LYG1: variants seen among roughly 807,000 people sequenced by gnomAD.
LYG1 encodes lysozyme g-like protein 1.
In LYG1, 17 loss-of-function variants were observed where a neutral mutation model predicts 21.7. The ratio of observed to expected loss-of-function variants is 0.78; its 90% CI spans 0.54 to 1.18. The LOEUF (loss-of-function observed/expected upper bound fraction) is 1.18. LYG1 is among the 50% of genes most tolerant of loss of function. The pLI, the probability that LYG1 is intolerant of heterozygous loss-of-function variation, is 0.00. For synonymous variants in LYG1, 81 were observed against 87.4 expected, an observed-to-expected ratio of 0.93 and a Z score of 0.41; for missense variants, 211 against 238.1, an observed-to-expected ratio of 0.89 and a Z score of 0.75.
At position 99,292,055 on chromosome 2, in the gene LYG1, A is replaced by T. The variant is rs1249960886; in HGVS notation, c.148+481T>A. Among the ~76,000 whole-genome samples, 4 of 152,152 alleles carry T rather than the reference A, an allele frequency of 2.6e-5. No homozygotes were observed. In the East Asian group the frequency reaches 7.8e-4, roughly 30 times the overall value. On this transcript the variant is annotated intron_variant, in intron 4 of 6. Transcript: ENST00000308528. ...TAATCCCAGCACTTTGGGAGGCCAA[A>T]GAGGGAGGATCACCTGAGGTCAGGA...
chr2:99,289,436 A>G (rs1311529999), intron 5 of LYG1, among the ~76,000 whole-genome samples: 1 of 141,664 alleles, frequency 7.1e-6, no homozygotes, highest in Non-Finnish European at 1.5e-5. Flanking sequence ...AGCCTGGGTG[A>G]CAGAGCCAGA....
intron 4 of LYG1, 52 bp downstream of exon 4, chr2:99,292,484 G>T: frequency 7.4e-7 from 1 of 1,356,614 alleles, no homozygotes; most frequent in Non-Finnish European, 1.1e-6. Context: ...GTGAGGCATG[G>T]GAAACAGTGA....
chr2:99,288,601 C>T (rs1298573658), intron 5 of LYG1, among the ~76,000 whole-genome samples: 1 of 152,128 alleles, frequency 6.6e-6, no homozygotes, highest in African/African-American at 2.4e-5. Context: ...TAGGGTCCCA[C>T]TCTCTCGCCC....
intron 5 of LYG1, among the ~76,000 whole-genome samples, chr2:99,285,682 A>G (rs904366592): frequency 5.9e-5 from 9 of 152,196 alleles, no homozygotes; most frequent in South Asian, 2.1e-4. Flanking sequence ...GATTTTCCCA[A>G]TGTCACATGA....
At chr2:99,298,134 T>A (rs1198483692) in intron 2 of LYG1, among the ~76,000 whole-genome samples, 4 of 152,228 alleles carry the variant, frequency 2.6e-5, no homozygotes, top group Non-Finnish European at 5.9e-5. Context: ...TAGAAGAGAT[T>A]GTTGAGACAT....
chr2:99,291,375 G>T lies in LYG1; in HGVS notation c.195C>A (p.Leu65=), dbSNP rs771154682. The T allele has an allele frequency of 6.8e-6, 11 of 1,614,064 alleles. No homozygotes were observed. The highest frequency in any genetic ancestry group is 8.5e-6 in the Non-Finnish European group (10 of 1,180,044). The part of the protein sequence containing the change: ...ERLAEIDMPY[L]LKYQPMMQTI... The stretch of plus-strand genomic sequence containing the variant: ...TTTGCATCATGGGTTGATATTTCAG[G>T]AGGTATGGCATGTCTATTTCAGCCA... The change falls in exon 5 of 7, where the codon CTC becomes CTA. Residue 65 remains leucine, a synonymous_variant. Coordinates refer to ENST00000308528, the MANE Select transcript of LYG1 (RefSeq NM_174898.3).
rs1303293126 is a variant in LYG1 at position 99,292,390 on chromosome 2, C to T, written c.148+146G>A. 9.1e-5 allele frequency: 58 copies of T among 634,080 alleles called. 1 individual carries two copies. Among genetic ancestry groups the T allele is most frequent in the South Asian group, 4.8e-4 (25 of 52,032 alleles). 39.3% of individuals were successfully genotyped at this position (634,080 alleles called of 1,614,324 possible). ...TACCGTACTGCTAGCCGCCTTGCCA[C>T]GGATGCAGGGGCAGCTAAGTGACTT... is the stretch of plus-strand genomic sequence containing the variant. On this transcript the variant is annotated intron_variant, in intron 4 of 6. Coordinates refer to ENST00000308528, the MANE Select transcript of LYG1 (RefSeq NM_174898.3).
At chr2:99,288,467 T>A (rs1240769594) in intron 5 of LYG1, among the ~76,000 whole-genome samples, 1 of 152,204 alleles carries the variant, frequency 6.6e-6, no homozygotes, top group African/African-American at 2.4e-5. Context: ...TTTATATTTA[T>A]TGCCATTATT....
chr2:99,289,181 C>T (rs1282774760), intron 5 of LYG1, among the ~76,000 whole-genome samples: 1 of 151,966 alleles, frequency 6.6e-6, no homozygotes, highest in Non-Finnish European at 1.5e-5. Context: ...AATCTGTGGC[C>T]GGGTAAAGTG....
At chr2:99,285,550 G>A (rs1258512093) in intron 5 of LYG1, among the ~76,000 whole-genome samples, 1 of 152,154 alleles carries the variant, frequency 6.6e-6, no homozygotes, top group Non-Finnish European at 1.5e-5. Flanking sequence ...GCTGAGACAC[G>A]CGATGTATGT....
At position 99,292,609 on chromosome 2, in the gene LYG1, A is replaced by G. The variant is rs2094123126; in HGVS notation, c.75T>C (p.Tyr25=). The G allele has an allele frequency of 6.2e-7, 1 of 1,614,216 alleles. No individual in the cohort carries two copies. The highest frequency in any genetic ancestry group is 8.5e-7 in the Non-Finnish European group (1 of 1,180,008). ...GGGTGTCCAGGCTTTGGATGTTTCC[A>G]TAGCATCCCCAGTTGCTGCTTTCAG... The part of the protein sequence containing the change: ...DLSESSNWGC[Y]GNIQSLDTPG... Residue 25 remains tyrosine, a synonymous_variant, in exon 4 of 7, where the codon TAT becomes TAC. Transcript: ENST00000308528.
At chr2:99,303,183 C>T (rs1017329682), upstream of LYG1, among the ~76,000 whole-genome samples, 45 of 152,028 alleles carry the variant, frequency 3.0e-4, no homozygotes, top group African/African-American at 8.4e-4. Flanking sequence ...CGGTTGTTGG[C>T]AGAGTTGGGG....
chr2:99,300,240 C>T (rs1201788186), intron 1 of LYG1, among the ~76,000 whole-genome samples: 1 of 152,058 alleles, frequency 6.6e-6, no homozygotes, highest in African/African-American at 2.4e-5. Flanking sequence ...AATTACCAGC[C>T]TAGAAGACCT....
intron 2 of LYG1, among the ~76,000 whole-genome samples, chr2:99,296,457 GCT>G (rs893848888): frequency 4.0e-5 from 6 of 151,226 alleles, no homozygotes; most frequent in Non-Finnish European, 5.9e-5. Flanking sequence ...CCGCTCATGT[GCT>G]CTCTCTCTCT....
upstream of LYG1, among the ~76,000 whole-genome samples, chr2:99,304,199 T>C (rs1399271957): frequency 2.0e-5 from 3 of 151,802 alleles, no homozygotes; most frequent in Non-Finnish European, 2.9e-5. Flanking sequence ...CCTTGTGTTG[T>C]GGGAGGGACC....
In LYG1 at chr2:99,288,251, A is replaced by C. The variant is rs530523748; in HGVS notation, c.333+2986T>G. Among the ~76,000 whole-genome samples, 114 of 152,012 alleles carry C rather than the reference A, an allele frequency of 7.5e-4. 1 individual carries two copies. The highest frequency in any genetic ancestry group is 2.4e-3 in the Admixed American group (36 of 15,262). ...CTCCATACCAAATATTTTTTCTTCT[A>C]AAGTGTATTTTATTTAATATATCAT... On this transcript the variant is annotated intron_variant, in intron 5 of 6. Transcript: ENST00000308528.
intron 1 of LYG1, 104 bp from the exon 2 acceptor site, chr2:99,298,653 T>A (rs1215143078): frequency 1.3e-5 from 2 of 152,204 alleles, no homozygotes; most frequent in Non-Finnish European, 2.9e-5. Context: ...TCATTGCAGG[T>A]CATTGGGGCC....
At chr2:99,286,338 T>C (rs1193839158) in intron 5 of LYG1, among the ~76,000 whole-genome samples, 2 of 152,194 alleles carry the variant, frequency 1.3e-5, no homozygotes, top group Admixed American at 6.5e-5. Flanking sequence ...TCATTGTACA[T>C]TGTTGATGGC....
Position 99,291,433 on chromosome 2 carries a change from G to T in LYG1, c.149-12C>A. 1 of 1,613,330 alleles carries T rather than the reference G, an allele frequency of 6.2e-7. No individual in the cohort carries two copies. Among genetic ancestry groups the T allele is most frequent in the South Asian group, 1.1e-5 (1 of 90,888 alleles). ...AGAAGCACGAACTCCTAAACCAAACGCAAAAGGAATGATGCAGCTTGTTGT... is the reference window on the plus strand; with the variant it reads ...AGAAGCACGAACTCCTAAACCAAACTCAAAAGGAATGATGCAGCTTGTTGT... On this transcript the variant is annotated splice_polypyrimidine_tract_variant and intron_variant, in intron 4 of 6. Transcript: ENST00000308528.
Sources: gnomAD v4.1 joint callset for allele counts (sites outside exome capture counted in the v4.1 genomes callset) on GRCh38, gnomAD v4.1.1 for gene constraint, MANE v1.5 for transcripts, NCBI Gene and HGNC (gene_info 2026-07-23, HGNC 2026-07-21) for gene names.